Variants in IFT122 observed in about 807,000 individuals in gnomAD.
IFT122 encodes intraflagellar transport 122.
A neutral mutation model predicts 161.6 loss-of-function variants in IFT122; 118 were observed. The observed-to-expected ratio is 0.73, with a 90% CI of 0.63 to 0.85. The LOEUF (loss-of-function observed/expected upper bound fraction) is 0.85. Ranked by LOEUF, IFT122 falls within the 40% of genes least tolerant of loss-of-function variation. The probability of loss-of-function intolerance (pLI) is 0.00; values close to 1 mark genes in which losing one functional copy is unlikely to be tolerated. For missense variants in IFT122, 1,381 were observed against 1,579.6 expected (o/e 0.87, Z 2.13); for synonymous variants, 550 against 602.4 (o/e 0.91, Z 1.27).
intron 16 of IFT122, among the ~76,000 whole-genome samples, chr3:129,490,298 T>C (rs1258783360): frequency 6.6e-6 from 1 of 152,206 alleles, no homozygotes; most frequent in Non-Finnish European, 1.5e-5. Context: ...ACCCCACCTC[T>C]TTACTCTGTG....
intron 3 of IFT122, among the ~76,000 whole-genome samples, chr3:129,457,262 A>G (rs1161516948): frequency 6.6e-6 from 1 of 152,258 alleles, no homozygotes; most frequent in East Asian, 1.9e-4. Flanking sequence ...CTGTTCCTTC[A>G]TAAAGCCCAA....
At chr3:129,514,629 G>A (rs1258569199) in intron 25 of IFT122, 75 bp downstream of exon 25, 3 of 1,562,316 alleles carry the variant, frequency 1.9e-6, no homozygotes, top group Non-Finnish European at 2.6e-6. Flanking sequence ...TGCCTGGCCT[G>A]GGTTCCGTTT....
chr3:129,506,290 C>A, intron 21 of IFT122, 119 bp from the exon 22 acceptor site: 1 of 1,153,382 alleles, frequency 8.7e-7, no homozygotes, highest in Non-Finnish European at 1.3e-6. Flanking sequence ...ACTGCAGATG[C>A]TCCAATGAGT....
At chr3:129,471,114 C>T (rs2077326198) in intron 9 of IFT122, among the ~76,000 whole-genome samples, 1 of 152,186 alleles carries the variant, frequency 6.6e-6, no homozygotes, top group Non-Finnish European at 1.5e-5. Flanking sequence ...CACACCACAG[C>T]CAAGCAAGTG....
intron 12 of IFT122, among the ~76,000 whole-genome samples, chr3:129,478,990 A>G (rs1231735373): frequency 6.6e-6 from 1 of 152,136 alleles, no homozygotes; most frequent in African/African-American, 2.4e-5. Context: ...GAAGTTTGGA[A>G]AGACTTTGAG....
intron 9 of IFT122, among the ~76,000 whole-genome samples, chr3:129,469,674 G>A (rs1292184823): frequency 1.3e-5 from 2 of 152,148 alleles, no homozygotes; most frequent in Non-Finnish European, 2.9e-5. Flanking sequence ...GAAATTATAT[G>A]CCCAAGATCT....
In IFT122 at chr3:129,514,712, G is replaced by T. The variant is rs570723932; in HGVS notation, c.3153+158G>T. ...AGCCTGGCCATGCCAGCTCCCCTGT[G>T]CTTCCCTGTCCACCTCCTGTTCTCC... On this transcript the variant is annotated intron_variant, in intron 25 of 29. Transcript: ENST00000348417. 1.9e-4 allele frequency: 161 copies of T among 841,682 alleles called. 1 individual carries two copies. Among genetic ancestry groups the T allele is most frequent in the Non-Finnish European group, 2.8e-4 (144 of 513,406 alleles). The allele number at this position is 841,682 out of a possible 1,614,324, so 52.1% of individuals were successfully genotyped here.
intron 23 of IFT122, among the ~76,000 whole-genome samples, chr3:129,511,898 GTCT>G (rs1399303425): frequency 6.6e-6 from 1 of 152,242 alleles, no homozygotes; most frequent in Non-Finnish European, 1.5e-5. Flanking sequence ...TGCATAGAAG[GTCT>G]TCTCTTTTAG....
intron 2 of IFT122, among the ~76,000 whole-genome samples, chr3:129,450,811 C>T (rs13090110): frequency 2.0e-5 from 3 of 150,124 alleles, no homozygotes; most frequent in African/African-American, 4.9e-5. Flanking sequence ...AGCTCCACCT[C>T]CCGGGTTCAC....
intron 17 of IFT122, among the ~76,000 whole-genome samples, chr3:129,492,496 T>C (rs2080253475): frequency 6.6e-6 from 1 of 152,184 alleles, no homozygotes; most frequent in South Asian, 2.1e-4. Context: ...GAGGATTCAG[T>C]AGGTTCTCAG....
rs2108735698 is a variant in IFT122, at chr3:129,519,808, CGTG to C, written c.3636+78_3636+80del. 6 of 1,563,390 alleles carry C rather than the reference CGTG, an allele frequency of 3.8e-6. No homozygotes were observed. In the South Asian group the frequency reaches 6.7e-5, roughly 17 times the overall value. ...CTTGCCCAAATGTCCCTCTGGGAGG[CGTG>C]GCCCCTGGGAGGAGGGGCACATCCA... On this transcript the variant is annotated intron_variant, in intron 29 of 29. Coordinates refer to ENST00000348417, the MANE Select transcript of IFT122 (RefSeq NM_052989.3).
chr3:129,476,303 C>G lies in IFT122; in HGVS notation c.817-12C>G. 1 of 1,614,084 alleles carries G rather than the reference C, an allele frequency of 6.2e-7. No homozygotes were observed. ...AATGGTTTTTCCCTTGCTGTGTGTT[C>G]TTTTTCCTCAGATTGGAAAGGATCG... On this transcript the variant is annotated splice_polypyrimidine_tract_variant and intron_variant, in intron 9 of 29. Transcript: ENST00000348417.
In IFT122 at chr3:129,464,773, C is replaced by T. The variant is rs2076535742; in HGVS notation, c.555C>T (p.Asn185=). Residue 185 remains asparagine (N), a synonymous_variant, in exon 7 of 30, where the codon AAC becomes AAT. Coordinates refer to ENST00000348417, the MANE Select transcript of IFT122 (RefSeq NM_052989.3). ...SLSPIWSICW[N]PSSRWESFWM... is the part of the protein sequence containing the mutation. ...CGCCAATATGGTCCATCTGCTGGAA[C>T]CCTTCAAGGTACTCTTAAAGTTGTC... is the stretch of plus-strand genomic sequence containing the variant. The T allele has an allele frequency of 4.3e-6, 7 of 1,614,122 alleles. No homozygotes were observed. The highest frequency in any genetic ancestry group is 5.9e-6 in the Non-Finnish European group (7 of 1,180,016).
At chr3:129,489,222 G>A (rs1163622526) in intron 16 of IFT122, among the ~76,000 whole-genome samples, 1 of 152,160 alleles carries the variant, frequency 6.6e-6, no homozygotes, top group African/African-American at 2.4e-5. Flanking sequence ...AGACTTGTAG[G>A]CATGAAGAGA....
At chr3:129,482,647 G>A (rs976501718) in intron 14 of IFT122, among the ~76,000 whole-genome samples, 1 of 152,292 alleles carries the variant, frequency 6.6e-6, no homozygotes, top group African/African-American at 2.4e-5. Flanking sequence ...CCTTGAGAGA[G>A]TAGAATGGTT....
chr3:129,479,226 A>G (rs990613457), intron 12 of IFT122, among the ~76,000 whole-genome samples: 2 of 149,614 alleles, frequency 1.3e-5, no homozygotes, highest in Admixed American at 1.3e-4. Context: ...GTTCGAAAGC[A>G]GTCTAGAAAA....
rs2108070326 is a variant in IFT122, at chr3:129,461,132, G to A, written c.273-96G>A. ...CTTGCAGAAGAGCATGTGGTCTAAA[G>A]TCAGAGGCTGTGGGCTCATTATTAA... On this transcript the variant is annotated intron_variant, in intron 4 of 29. Coordinates refer to ENST00000348417, the MANE Select transcript of IFT122 (RefSeq NM_052989.3). 2.8e-6 allele frequency: 3 copies of A among 1,086,446 alleles called. No individual in the cohort carries two copies. In the East Asian group the frequency reaches 7.1e-5, roughly 26 times the overall value. 67.3% of individuals were successfully genotyped at this position (1,086,446 alleles called of 1,614,324 possible). A position where few individuals can be genotyped will look rare whatever the true frequency, so the allele number is the denominator to read the frequency against.
rs537453627 is a variant in IFT122, at chr3:129,476,605, TG to T, written c.1009-53del. 2.7e-3 allele frequency: 4,305 copies of T among 1,613,978 alleles called. 21 individuals carry two copies. The highest frequency in any genetic ancestry group is 3.3e-3 in the Non-Finnish European group (3,916 of 1,179,948). On this transcript the variant is annotated intron_variant, in intron 10 of 29. Transcript: ENST00000348417. ...ATCACTGGGGTTTGTGTCTGACAAA[TG>T]GGGGAATGCAGACTTTCTCCAGAGA...
intron 18 of IFT122, among the ~76,000 whole-genome samples, 165 bp downstream of exon 18, chr3:129,495,772 G>T (rs1363666465): frequency 6.6e-6 from 1 of 152,226 alleles, no homozygotes; most frequent in Non-Finnish European, 1.5e-5. Context: ...TACAGCCACT[G>T]GTTGAAACTC....
Sources: gnomAD v4.1 joint callset for allele counts (sites outside exome capture counted in the v4.1 genomes callset) on GRCh38, gnomAD v4.1.1 for gene constraint, MANE v1.5 for transcripts, NCBI Gene and HGNC (gene_info 2026-07-23, HGNC 2026-07-21) for gene names.